NOC4L: variants seen among roughly 807,000 people sequenced by gnomAD.
NOC4L encodes the protein nucleolar complex protein 4 homolog.
A neutral mutation model predicts 62.8 loss-of-function variants in NOC4L; 40 were observed. The ratio of observed to expected loss-of-function variants is 0.64; its 90% CI spans 0.49 to 0.83. The LOEUF (loss-of-function observed/expected upper bound fraction) is 0.83, where lower values mean the gene tolerates loss of function less well. Ranked by LOEUF, NOC4L falls within the 40% of genes least tolerant of loss-of-function variation. NOC4L has a pLI of 0.00. For missense variants in NOC4L, 927 were observed against 701.9 expected (o/e 1.32, Z -3.62); for synonymous variants, 433 against 299.8 (o/e 1.44, Z -4.59).
Position 132,151,292 on chromosome 12 carries a change from C to T in NOC4L, c.997C>T (p.Leu333Phe), listed in dbSNP as rs769096350. 8 of 1,611,942 alleles carry T rather than the reference C, an allele frequency of 5.0e-6. No homozygotes were observed. Among genetic ancestry groups the T allele is most frequent in the African/African-American group, 1.3e-5 (1 of 74,922 alleles). Residue 333 changes from leucine (L) to phenylalanine (F), a missense_variant, in exon 11 of 15, where the codon CTC (leucine) becomes TTC (phenylalanine). Physicochemically the swap from Leu to Phe is conservative, Grantham distance 22 (BLOSUM62 0). Coordinates refer to ENST00000330579, the MANE Select transcript of NOC4L (RefSeq NM_024078.3). ...YPDFYRKLYG[L>F]LDPSVFHVKY... Reference sequence around the variant, plus strand: ...TGACTTCTACCGGAAGCTCTACGGCCTCTTGGACCCCTCTGTCTTTCACGT... The same window carrying T: ...TGACTTCTACCGGAAGCTCTACGGCTTCTTGGACCCCTCTGTCTTTCACGT...
intron 8 of NOC4L, 49 bp from the exon 9 acceptor site, chr12:132,148,735 C>CCCCGGG: frequency 1.2e-5 from 16 of 1,309,140 alleles, no homozygotes; most frequent in Non-Finnish European, 1.4e-5. Context: ...CCCGACCCGC[C>CCCCGGG]GGCCCCCGCC....
chr12:132,151,343 C>G lies in NOC4L; in HGVS notation c.1048C>G (p.Leu350Val), dbSNP rs150774836. The change falls in exon 11 of 15, where the codon CTG becomes GTG. Residue 350 changes from leucine to valine, a missense_variant. Physicochemically the swap from Leu to Val is conservative, Grantham distance 32. Transcript: ENST00000330579. ...CAAGTACCGCGCCCGCTTCTTCCAC[C>G]TGGCTGACCTCTTCCTGTCCTCCTC... ...HVKYRARFFH[L>V]ADLFLSSSHL... The G allele has an allele frequency of 8.1e-6, 13 of 1,610,902 alleles. No individual in the cohort carries two copies. In the African/African-American group the frequency reaches 1.2e-4, roughly 15 times the overall value.
In NOC4L at chr12:132,147,683, G is replaced by C; in HGVS notation, c.504G>C (p.Leu168=). The C allele has an allele frequency of 1.2e-6, 2 of 1,612,952 alleles. No individual in the cohort carries two copies. Among genetic ancestry groups the C allele is most frequent in the Middle Eastern group, 1.6e-4 (1 of 6,062 alleles). ...CTGAGGAGGACCAGAGCCTGCTCCT[G>C]TCCCAGTTCCGGGAGTACCTGGACT... ...LSPEEDQSLL[L]SQFREYLDYD... is the part of the protein sequence containing the mutation. Residue 168 remains leucine, a synonymous_variant, in exon 5 of 15, where the codon CTG becomes CTC. Coordinates refer to ENST00000330579, the MANE Select transcript of NOC4L (RefSeq NM_024078.3).
At chr12:132,147,091 G>A (rs925489195) in intron 3 of NOC4L, among the ~76,000 whole-genome samples, 190 bp from the exon 4 acceptor site, 1 of 152,220 alleles carries the variant, frequency 6.6e-6, no homozygotes, top group Non-Finnish European at 1.5e-5. Flanking sequence ...TAGAGATCTT[G>A]TCATCTCTAC....
In NOC4L at chr12:132,144,473, C is replaced by G. The variant is rs1466218301; in HGVS notation, c.-16C>G. The stretch of plus-strand genomic sequence containing the variant: ...CCGGCGGCTGAGAATCCGCGTTGTT[C>G]CGTGTTGGGGGCGGCATGGAGCGGG... On this transcript the variant is annotated 5_prime_UTR_variant, in exon 1 of 15. Coordinates refer to ENST00000330579, the MANE Select transcript of NOC4L (RefSeq NM_024078.3). 2.0e-6 allele frequency: 3 copies of G among 1,508,880 alleles called. No homozygotes were observed. The highest frequency in any genetic ancestry group is 1.4e-5 in the African/African-American group (1 of 69,056). The allele number at this position is 1,508,880 out of a possible 1,614,324, so 93.5% of individuals were successfully genotyped here. A position where few individuals can be genotyped will look rare whatever the true frequency, so the allele number is the denominator to read the frequency against.
In NOC4L at chr12:132,151,518, A is replaced by C. The variant is rs1872930628; in HGVS notation, c.1108A>C (p.Lys370Gln). ...CGCCTACCTGGTGGCCGCCTTCGCC[A>C]AGCGGCTGGCCCGCCTGGCCCTGAC... is the stretch of plus-strand genomic sequence containing the variant. ...LPAYLVAAFAKRLARLALTAP... is the reference protein window; with the variant it reads ...LPAYLVAAFAQRLARLALTAP... The change falls in exon 12 of 15, where the codon AAG (lysine) becomes CAG (glutamine). Residue 370 changes from lysine (K) to glutamine (Q), a missense_variant. By Grantham distance (53) the Lys-to-Gln change is moderately conservative. Transcript: ENST00000330579. 2 of 1,606,596 alleles carry C rather than the reference A, an allele frequency of 1.2e-6. No individual in the cohort carries two copies. The highest frequency in any genetic ancestry group is 8.5e-7 in the Non-Finnish European group (1 of 1,179,150).
intron 9 of NOC4L, 45 bp from the exon 10 acceptor site, chr12:132,150,936 G>A (rs201849109): frequency 3.5e-6 from 5 of 1,446,746 alleles, no homozygotes; most frequent in Middle Eastern, 1.8e-4. Flanking sequence ...GGGTAGGGTG[G>A]GAGCGAGGTC....
intron 10 of NOC4L, 60 bp downstream of exon 10, chr12:132,151,101 C>A: frequency 6.6e-7 from 1 of 1,505,334 alleles, no homozygotes; most frequent in Non-Finnish European, 9.2e-7. Context: ...CTCCTCTGTC[C>A]CCTTCCCACC....
chr12:132,151,383 A>G lies in NOC4L; in HGVS notation c.1073+15A>G. 6.2e-7 allele frequency: 1 copy of G among 1,606,564 alleles called. No homozygotes were observed. Among genetic ancestry groups the G allele is most frequent in the East Asian group, 2.2e-5 (1 of 44,846 alleles). On this transcript the variant is annotated intron_variant, in intron 11 of 14. Coordinates refer to ENST00000330579, the MANE Select transcript of NOC4L (RefSeq NM_024078.3). ...CTGTCCTCCTCGTGAGTACCAGGGC[A>G]CCTGGCTCTGCCCTGCTCTGTGCGG... is the stretch of plus-strand genomic sequence containing the variant.
Position 132,144,845 on chromosome 12 carries a change from C to G in NOC4L, c.118-9C>G. ...GCGGCCGGGCACCCTGCCGCCGCCT[C>G]TCCTGCAGTCTGAGGACCAGGAGGA... On this transcript the variant is annotated splice_polypyrimidine_tract_variant and intron_variant, in intron 1 of 14. Transcript: ENST00000330579. 1 of 1,597,580 alleles carries G rather than the reference C, an allele frequency of 6.3e-7. No individual in the cohort carries two copies. The highest frequency in any genetic ancestry group is 8.5e-7 in the Non-Finnish European group (1 of 1,174,418).
chr12:132,145,795 T>G (rs557272516), intron 3 of NOC4L, 130 bp downstream of exon 3: 1 of 628,028 alleles, frequency 1.6e-6, no homozygotes, highest in East Asian at 2.8e-5. Flanking sequence ...AGCATCACCC[T>G]GTGGGTGTTC....
At position 132,151,298 on chromosome 12, in the gene NOC4L, G is replaced by A. The variant is rs776188129; in HGVS notation, c.1003G>A (p.Asp335Asn). 1 of 1,611,946 alleles carries A rather than the reference G, an allele frequency of 6.2e-7. No homozygotes were observed. The highest frequency in any genetic ancestry group is 8.5e-7 in the Non-Finnish European group (1 of 1,179,942). The change falls in exon 11 of 15, where the codon GAC (aspartate) becomes AAC (asparagine). Residue 335 changes from aspartate (D) to asparagine (N), a missense_variant. Asp to Asn is a conservative substitution (Grantham distance 23). Transcript: ENST00000330579. ...CTACCGGAAGCTCTACGGCCTCTTG[G>A]ACCCCTCTGTCTTTCACGTCAAGTA... ...DFYRKLYGLL[D>N]PSVFHVKYRA... is the part of the protein sequence containing the mutation.
Position 132,147,939 on chromosome 12 carries a change from C to T in NOC4L, c.663C>T (p.Arg221=), listed in dbSNP as rs1897787510. The T allele has an allele frequency of 6.2e-7, 1 of 1,607,766 alleles. No individual in the cohort carries two copies. Among genetic ancestry groups the T allele is most frequent in the African/African-American group, 1.3e-5 (1 of 74,930 alleles). Residue 221 remains arginine, a synonymous_variant, in exon 6 of 15, where the codon CGC becomes CGT. Coordinates refer to ENST00000330579, the MANE Select transcript of NOC4L (RefSeq NM_024078.3). ...TGCTGTCTGCCGTGAGCCTGCCCCG[C>T]CGGGAGCCCACCGTCTCCAGCTTCT... ...FTLLSAVSLP[R]REPTVSSFYV...
chr12:132,151,072 C>A (rs780044275), intron 10 of NOC4L, 31 bp downstream of exon 10: 1 of 1,580,320 alleles, frequency 6.3e-7, no homozygotes, highest in Admixed American at 1.7e-5. Flanking sequence ...AGGTCTTCTT[C>A]CCAGTCTGCC....
chr12:132,151,552 C>T lies in NOC4L; in HGVS notation c.1142C>T (p.Pro381Leu). ...GCCCGCCTGGCCCTGACGGCTCCCCCTGAGGCCCTGCTCATGGTCCTGCCT... is the reference window on the plus strand; with the variant it reads ...GCCCGCCTGGCCCTGACGGCTCCCCTTGAGGCCCTGCTCATGGTCCTGCCT... ...RLARLALTAP[P>L]EALLMVLPFI... Residue 381 changes from proline (P) to leucine (L), a missense_variant, in exon 12 of 15, where the codon CCT becomes CTT. Coordinates refer to ENST00000330579, the MANE Select transcript of NOC4L (RefSeq NM_024078.3). The T allele has an allele frequency of 1.2e-6, 2 of 1,609,704 alleles. No homozygotes were observed. Among genetic ancestry groups the T allele is most frequent in the Non-Finnish European group, 1.7e-6 (2 of 1,179,196 alleles).
intron 4 of NOC4L, 24 bp downstream of exon 4, chr12:132,147,412 C>T (rs918649365): frequency 6.5e-6 from 10 of 1,527,908 alleles, no homozygotes; most frequent in Non-Finnish European, 8.9e-6. Context: ...TGGGGACTCC[C>T]AGAGGGCCTG....
chr12:132,151,882 C>G (rs548039875), intron 13 of NOC4L, 62 bp downstream of exon 13: 2 of 1,527,784 alleles, frequency 1.3e-6, no homozygotes, highest in Non-Finnish European at 9.0e-7. Flanking sequence ...CTCAGAAAGC[C>G]CAGCTCCCCG....
In NOC4L at chr12:132,151,349, G is replaced by C. The variant is rs1897934635; in HGVS notation, c.1054G>C (p.Asp352His). 2 of 1,610,534 alleles carry C rather than the reference G, an allele frequency of 1.2e-6. No homozygotes were observed. Among genetic ancestry groups the C allele is most frequent in the African/African-American group, 2.7e-5 (2 of 74,936 alleles). ...KYRARFFHLA[D>H]LFLSSSHLPA... ...CCGCGCCCGCTTCTTCCACCTGGCT[G>C]ACCTCTTCCTGTCCTCCTCGTGAGT... The change falls in exon 11 of 15, where the codon GAC becomes CAC. Residue 352 changes from aspartate to histidine, a missense_variant. Asp to His is a moderately conservative substitution (Grantham distance 81). Coordinates refer to ENST00000330579, the MANE Select transcript of NOC4L (RefSeq NM_024078.3).
At position 132,148,617 on chromosome 12, in the gene NOC4L, G is replaced by A; in HGVS notation, c.747G>A (p.Arg249=). 2 of 1,549,414 alleles carry A rather than the reference G, an allele frequency of 1.3e-6. No individual in the cohort carries two copies. The highest frequency in any genetic ancestry group is 1.7e-6 in the Non-Finnish European group (2 of 1,146,214). The change falls in exon 8 of 15, where the codon AGG becomes AGA. Residue 249 remains arginine (R), a synonymous_variant. Transcript: ENST00000330579. ...TCTGGACCCCGTTGCAGGAGCACAG[G>A]AGGGTTTTCCAGGCCATGTGGCTCA... ...TWKVAHLKEH[R]RVFQAMWLSF...
Sources: gnomAD v4.1 joint callset for allele counts (sites outside exome capture counted in the v4.1 genomes callset) on GRCh38, gnomAD v4.1.1 for gene constraint, MANE v1.5 for transcripts, NCBI Gene and HGNC (gene_info 2026-07-23, HGNC 2026-07-21) for gene names.